RNGTT: variants seen among roughly 807,000 people sequenced by gnomAD.
RNGTT encodes the protein RNA guanylyltransferase and 5'-phosphatase.
A neutral mutation model predicts 79.3 loss-of-function variants in RNGTT; 33 were observed. The observed-to-expected ratio is 0.42, with a 90% CI of 0.32 to 0.56. The LOEUF (loss-of-function observed/expected upper bound fraction) is 0.56. Ranked by LOEUF, RNGTT falls within the 20% of genes least tolerant of loss-of-function variation. RNGTT has a pLI of 0.17. For synonymous variants in RNGTT, 222 were observed against 235.9 expected (o/e 0.94, Z 0.54); for missense variants, 497 against 739.1 (o/e 0.67, Z 3.80).
Position 88,791,869 on chromosome 6 carries a change from CTAT to C in RNGTT, c.1338+9692_1338+9694del, listed in dbSNP as rs541064600. 8.6e-5 allele frequency among the ~76,000 whole-genome samples: 13 copies of C among 151,946 alleles called. No individual in the cohort carries two copies. In the South Asian group the frequency reaches 2.7e-3, roughly 32 times the overall value. Reference sequence around the variant, plus strand: ...TTTCTGTCACATCAAAATACCATAACTATTATTATATTTTTCTTTAAAATAGTT... The same window carrying C: ...TTTCTGTCACATCAAAATACCATAACTATTATATTTTTCTTTAAAATAGTT... On this transcript the variant is annotated intron_variant, in intron 12 of 15. Coordinates refer to ENST00000369485, the MANE Select transcript of RNGTT (RefSeq NM_003800.5).
At chr6:88,829,746 T>C (rs1257248315) in intron 11 of RNGTT, among the ~76,000 whole-genome samples, 1 of 147,796 alleles carries the variant, frequency 6.8e-6, no homozygotes, top group Non-Finnish European at 1.5e-5. Context: ...AATCCTAGTC[T>C]CTGATAAAAC....
chr6:88,935,126 C>A (rs901165979), intron 2 of RNGTT, among the ~76,000 whole-genome samples: 17 of 151,984 alleles, frequency 1.1e-4, no homozygotes, highest in African/African-American at 3.6e-4. Context: ...AGATAAAGGT[C>A]CAGTTTTATT....
intron 11 of RNGTT, among the ~76,000 whole-genome samples, chr6:88,839,364 A>G (rs1227729175): frequency 6.6e-6 from 1 of 152,114 alleles, no homozygotes; most frequent in African/African-American, 2.4e-5. Context: ...TGAGCCCAGG[A>G]ATTTGAGACC....
At chr6:88,741,162 A>G (rs927658736) in intron 13 of RNGTT, among the ~76,000 whole-genome samples, 1 of 152,208 alleles carries the variant, frequency 6.6e-6, no homozygotes, top group Non-Finnish European at 1.5e-5. Context: ...TCATCGTGGC[A>G]CTATTCACAA....
At chr6:88,775,033 T>TA (rs1778828385) in intron 12 of RNGTT, among the ~76,000 whole-genome samples, 1 of 152,198 alleles carries the variant, frequency 6.6e-6, no homozygotes, top group South Asian at 2.1e-4. Flanking sequence ...TAAATCACAC[T>TA]AATCAATATA....
chr6:88,660,320 T>C (rs1055423760), intron 14 of RNGTT, among the ~76,000 whole-genome samples: 1 of 152,152 alleles, frequency 6.6e-6, no homozygotes, highest in Non-Finnish European at 1.5e-5. Flanking sequence ...TAACATTGAA[T>C]GTAAATGGCC....
At chr6:88,895,162 G>GT (rs1223058491) in intron 6 of RNGTT, among the ~76,000 whole-genome samples, 5 of 151,950 alleles carry the variant, frequency 3.3e-5, no homozygotes, top group Non-Finnish European at 7.4e-5. Context: ...ACAGAAATGA[G>GT]TGATCCTTTA....
At chr6:88,771,339 A>G (rs903542437) in intron 12 of RNGTT, among the ~76,000 whole-genome samples, 14 of 131,258 alleles carry the variant, frequency 1.1e-4, no homozygotes, top group Non-Finnish European at 1.6e-4. Context: ...ATATATATAT[A>G]TATATATATA....
At chr6:88,876,832 C>G (rs568449947) in intron 8 of RNGTT, among the ~76,000 whole-genome samples, 1 of 152,294 alleles carries the variant, frequency 6.6e-6, no homozygotes, top group South Asian at 2.1e-4. Flanking sequence ...TAGGGTTGCA[C>G]CTATGTTTGC....
chr6:88,786,844 A>G (rs1779244108), intron 12 of RNGTT, among the ~76,000 whole-genome samples: 1 of 152,154 alleles, frequency 6.6e-6, no homozygotes. Context: ...ATGTGATGGT[A>G]TTAGGAGGTG....
chr6:88,955,608 A>G (rs985028696), intron 1 of RNGTT, among the ~76,000 whole-genome samples: 3 of 152,102 alleles, frequency 2.0e-5, no homozygotes, highest in African/African-American at 4.8e-5. Flanking sequence ...AGAAAATCTA[A>G]GGTCACACTT....
intron 14 of RNGTT, among the ~76,000 whole-genome samples, chr6:88,616,533 T>A (rs1284492629): frequency 1.3e-5 from 2 of 152,014 alleles, no homozygotes; most frequent in East Asian, 3.9e-4. Flanking sequence ...TTAAAAAAAA[T>A]TGACGCCCAT....
intron 11 of RNGTT, among the ~76,000 whole-genome samples, chr6:88,809,323 G>C (rs1186419923): frequency 6.6e-6 from 1 of 151,712 alleles, no homozygotes; most frequent in Non-Finnish European, 1.5e-5. Flanking sequence ...CAAACGACTG[G>C]ACAAATAGAA....
In RNGTT at chr6:88,849,788, AG is replaced by A; in HGVS notation, c.1070del (p.Pro357LeufsTer4). ...IIDRVNGQAV[P>X]RYLIYDIIKF... The stretch of plus-strand genomic sequence containing the variant: ...TAATTATGTCATATATCAAATATCT[AG>A]GAACAGCCTGTCCATTTACTCTGTC... On this transcript the variant is annotated frameshift_variant, in exon 10 of 16. Transcript: ENST00000369485. LOFTEE classifies it high-confidence loss of function. 1 of 1,571,848 alleles carries A rather than the reference AG, an allele frequency of 6.4e-7. No individual in the cohort carries two copies.
At chr6:88,916,243 C>T (rs572112901) in intron 4 of RNGTT, among the ~76,000 whole-genome samples, 4 of 152,276 alleles carry the variant, frequency 2.6e-5, no homozygotes, top group African/African-American at 7.2e-5. Context: ...GAGGCCAAGG[C>T]GGGTAGATCA....
At chr6:88,739,301 T>A (rs1186350832) in intron 13 of RNGTT, among the ~76,000 whole-genome samples, 2 of 152,134 alleles carry the variant, frequency 1.3e-5, no homozygotes, top group African/African-American at 4.8e-5. Context: ...GTTGGGCCAA[T>A]ACCCAGCAAT....
chr6:88,859,496 G>A (rs182459572), intron 8 of RNGTT, among the ~76,000 whole-genome samples: 2 of 152,298 alleles, frequency 1.3e-5, no homozygotes, highest in African/African-American at 2.4e-5. Context: ...AGGTGAAAGA[G>A]GTCCATGTGG....
intron 14 of RNGTT, among the ~76,000 whole-genome samples, chr6:88,621,792 A>G (rs1772452160): frequency 6.6e-6 from 1 of 152,114 alleles, no homozygotes; most frequent in Admixed American, 6.5e-5. Context: ...ACTGAAACTT[A>G]GTTGTTACCT....
chr6:88,843,002 G>A (rs2127899487), intron 11 of RNGTT, among the ~76,000 whole-genome samples: 1 of 152,182 alleles, frequency 6.6e-6, no homozygotes. Context: ...TTGACCCCAG[G>A]AGGTCAAGGC....
Sources: allele counts gnomAD v4.1 joint callset (sites outside exome capture counted in the v4.1 genomes callset), GRCh38; gene constraint gnomAD v4.1.1; transcripts MANE v1.5; gene names NCBI Gene and HGNC (gene_info 2026-07-23, HGNC 2026-07-21).